ZNF66: variants seen among roughly 807,000 people sequenced by gnomAD.
ZNF66 encodes zinc finger protein 66.
In ZNF66, 32 loss-of-function variants were observed where a neutral mutation model predicts 35.2. The ratio of observed to expected loss-of-function variants is 0.91; its 90% CI spans 0.69 to 1.22. The LOEUF (loss-of-function observed/expected upper bound fraction) is 1.22. Ranked by LOEUF, ZNF66 falls within the 50% of genes most tolerant of loss-of-function variation. The pLI, the probability that ZNF66 is intolerant of heterozygous loss-of-function variation, is 0.00. For synonymous variants in ZNF66, 231 were observed against 181.3 expected (o/e 1.27, Z -2.20); for missense variants, 666 against 543.1 (o/e 1.23, Z -2.25).
At position 20,806,310 on chromosome 19, in the gene ZNF66, C is replaced by G. The variant is rs1971507653; in HGVS notation, c.710C>G (p.Ala237Gly). The G allele has an allele frequency of 2.7e-6, 4 of 1,506,406 alleles. No individual in the cohort carries two copies. Among genetic ancestry groups the G allele is most frequent in the Non-Finnish European group, 3.7e-6 (4 of 1,083,266 alleles). 93.3% of individuals were successfully genotyped at this position (1,506,406 alleles called of 1,614,324 possible). Reference sequence around the variant, plus strand: ...TACAAATGTGAAGACTGTGGCAAAGCCTTTAACCGCTCCTCTAACCTTACT... The same window carrying G: ...TACAAATGTGAAGACTGTGGCAAAGGCTTTAACCGCTCCTCTAACCTTACT... ...KRYKCEDCGKAFNRSSNLTTH... is the reference protein window; with the variant it reads ...KRYKCEDCGKGFNRSSNLTTH... Residue 237 changes from alanine (A) to glycine (G), a missense_variant, in exon 4 of 4, where the codon GCC becomes GGC. By Grantham distance (60) the Ala-to-Gly change is moderately conservative. Transcript: ENST00000344519.
At position 20,791,636 on chromosome 19, in the gene ZNF66, G is replaced by A. The variant is rs182330648; in HGVS notation, c.4-876G>A. 3.0e-3 allele frequency among the ~76,000 whole-genome samples: 453 copies of A among 152,156 alleles called. 3 individuals are homozygous for A. Among genetic ancestry groups the A allele is most frequent in the African/African-American group, 0.01 (425 of 41,530 alleles). On this transcript the variant is annotated intron_variant, in intron 1 of 3. Coordinates refer to ENST00000344519, the MANE Select transcript of ZNF66 (RefSeq NM_001355197.2). ...TACTACTAAAAATTACAGAACATAGGAGGTATCTGTATTTTGAGGTTTGCA... is the reference window on the plus strand; with the variant it reads ...TACTACTAAAAATTACAGAACATAGAAGGTATCTGTATTTTGAGGTTTGCA...
At chr19:20,785,424 T>G (rs1971278521) in intron 1 of ZNF66, among the ~76,000 whole-genome samples, 1 of 152,250 alleles carries the variant, frequency 6.6e-6, no homozygotes, top group Non-Finnish European at 1.5e-5. Context: ...TTCAAGCTGC[T>G]AAACTACCTC....
intron 1 of ZNF66, among the ~76,000 whole-genome samples, chr19:20,787,489 A>G (rs1971297198): frequency 6.6e-6 from 1 of 152,212 alleles, no homozygotes; most frequent in African/African-American, 2.4e-5. Flanking sequence ...GGATTTACAA[A>G]AAAGCCTGGA....
rs573559671 is a variant in ZNF66, at chr19:20,809,942, C to T, written c.*2620C>T. Reference sequence around the variant, plus strand: ...TGCTGTATTCAGGAAACCCATCTCACGTGCAGAGACACACATAGGCTCAAA... The same window carrying T: ...TGCTGTATTCAGGAAACCCATCTCATGTGCAGAGACACACATAGGCTCAAA... On this transcript the variant is annotated 3_prime_UTR_variant, in exon 4 of 4. Coordinates refer to ENST00000344519, the MANE Select transcript of ZNF66 (RefSeq NM_001355197.2). 2.6e-5 allele frequency among the ~76,000 whole-genome samples: 4 copies of T among 152,214 alleles called. No homozygotes were observed. Among genetic ancestry groups the T allele is most frequent in the Admixed American group, 6.5e-5 (1 of 15,292 alleles).
At chr19:20,779,922 C>CT in intron 1 of ZNF66, among the ~76,000 whole-genome samples, 1 of 110,758 alleles carries the variant, frequency 9.0e-6, no homozygotes, top group Non-Finnish European at 1.9e-5. Flanking sequence ...GAGTGAAACT[C>CT]TGTCTCAAAA....
At chr19:20,787,820 G>C (rs1971301605) in intron 1 of ZNF66, among the ~76,000 whole-genome samples, 1 of 152,190 alleles carries the variant, frequency 6.6e-6, no homozygotes, top group Non-Finnish European at 1.5e-5. Context: ...CCATGAGCTA[G>C]CAAATCAGAA....
At chr19:20,782,411 A>G (rs1462393563) in intron 1 of ZNF66, among the ~76,000 whole-genome samples, 1 of 152,180 alleles carries the variant, frequency 6.6e-6, no homozygotes, top group Non-Finnish European at 1.5e-5. Context: ...TTCTGGGTCA[A>G]ATGATAATTC....
Position 20,795,226 on chromosome 19 carries a change from C to T in ZNF66, c.226+1348C>T, listed in dbSNP as rs937197802. Among the ~76,000 whole-genome samples the T allele has an allele frequency of 5.9e-5, 9 of 151,970 alleles. No individual in the cohort carries two copies. In the East Asian group the frequency reaches 1.7e-3, roughly 29 times the overall value. Reference sequence around the variant, plus strand: ...CTTCTGCCACATACTTCCATCACTACATTCAAATAGAAGCATTGACAATGG... The same window carrying T: ...CTTCTGCCACATACTTCCATCACTATATTCAAATAGAAGCATTGACAATGG... On this transcript the variant is annotated intron_variant, in intron 3 of 3. Coordinates refer to ENST00000344519, the MANE Select transcript of ZNF66 (RefSeq NM_001355197.2).
At chr19:20,785,132 C>T (rs2144894902) in intron 1 of ZNF66, 1 of 152,324 alleles carries the variant, frequency 6.6e-6, no homozygotes, top group Non-Finnish European at 1.5e-5. Flanking sequence ...CCTGCAGGCT[C>T]TCCTCCTGCA....
rs1313607200 is a variant in ZNF66 at position 20,809,550 on chromosome 19, TC to T, written c.*2229del. On this transcript the variant is annotated 3_prime_UTR_variant, in exon 4 of 4. Coordinates refer to ENST00000344519, the MANE Select transcript of ZNF66 (RefSeq NM_001355197.2). ...TCAACATTCTTAAAGAAAAGAATTT[TC>T]AACCCAGAATTTCATATCCAGCCAA... 7.2e-5 allele frequency among the ~76,000 whole-genome samples: 11 copies of T among 152,024 alleles called. No homozygotes were observed. The highest frequency in any genetic ancestry group is 1.5e-4 in the Non-Finnish European group (10 of 68,002).
At chr19:20,793,090 GA>G (rs1162264997) in intron 2 of ZNF66, among the ~76,000 whole-genome samples, 13 of 150,558 alleles carry the variant, frequency 8.6e-5, no homozygotes, top group Middle Eastern at 3.2e-3. Context: ...AAAAAAGAAA[GA>G]AAAAAATTTC....
intron 3 of ZNF66, among the ~76,000 whole-genome samples, chr19:20,802,686 C>T (rs1379075491): frequency 6.9e-6 from 1 of 144,020 alleles, no homozygotes; most frequent in Admixed American, 7.0e-5. Flanking sequence ...TTCTCTATAC[C>T]TTCATTAGAA....
chr19:20,780,328 C>T (rs1971234584), intron 1 of ZNF66, among the ~76,000 whole-genome samples: 2 of 152,080 alleles, frequency 1.3e-5, no homozygotes, highest in African/African-American at 4.8e-5. Flanking sequence ...TTTCATCTTT[C>T]CCCATTTCTT....
At chr19:20,779,727 G>GACC (rs1044761479) in intron 1 of ZNF66, among the ~76,000 whole-genome samples, 1 of 146,306 alleles carries the variant, frequency 6.8e-6, no homozygotes, top group Non-Finnish European at 1.5e-5. Flanking sequence ...GGGAGTTTAA[G>GACC]ACCAGCCTGA....
chr19:20,804,433 T>G (rs1345304312), intron 3 of ZNF66, among the ~76,000 whole-genome samples: 1 of 151,894 alleles, frequency 6.6e-6, no homozygotes, highest in African/African-American at 2.4e-5. Flanking sequence ...TTAGTAGAGA[T>G]AAGGTTTCAC....
intron 1 of ZNF66, among the ~76,000 whole-genome samples, chr19:20,781,869 A>ATT (rs34732316): frequency 1.3e-5 from 2 of 151,140 alleles, no homozygotes; most frequent in African/African-American, 4.9e-5. Context: ...AAAGGACGTG[A>ATT]TTTTTTTTTA....
At chr19:20,791,261 G>C (rs1971334090) in intron 1 of ZNF66, among the ~76,000 whole-genome samples, 2 of 152,236 alleles carry the variant, frequency 1.3e-5, no homozygotes, top group African/African-American at 2.4e-5. Context: ...AAGGCAGGCA[G>C]ATCGCCTGAA....
At position 20,806,591 on chromosome 19, in the gene ZNF66, C is replaced by T. The variant is rs748345483; in HGVS notation, c.991C>T (p.His331Tyr). The T allele has an allele frequency of 5.0e-6, 8 of 1,593,728 alleles. No individual in the cohort carries two copies. The highest frequency in any genetic ancestry group is 5.0e-5 in the Admixed American group (3 of 59,962). The change falls in exon 4 of 4, where the codon CAT becomes TAT. Residue 331 changes from histidine (H) to tyrosine (Y), a missense_variant. Transcript: ENST00000344519. ...AFNWSSHLTT[H>Y]KRIHTGEKPY... ...CAACTGGTCCTCACACCTTACTACA[C>T]ATAAGAGAATTCATACTGGAGAGAA...
intron 3 of ZNF66, among the ~76,000 whole-genome samples, chr19:20,798,175 G>T (rs1370174322): frequency 6.6e-6 from 1 of 151,966 alleles, no homozygotes; most frequent in Non-Finnish European, 1.5e-5. Context: ...TTCCTTTCAT[G>T]AGAGAAACAT....
Sources: gnomAD v4.1 joint callset for allele counts (sites outside exome capture counted in the v4.1 genomes callset) on GRCh38, gnomAD v4.1.1 for gene constraint, MANE v1.5 for transcripts, NCBI Gene and HGNC (gene_info 2026-07-23, HGNC 2026-07-21) for gene names.